The following PRKCB variants were observed in gnomAD, a reference collection of about 807,000 sequenced individuals.
PRKCB encodes the protein protein kinase C beta type.
In PRKCB, 13 loss-of-function variants were observed where a neutral mutation model predicts 81.5. That is an observed-to-expected ratio of 0.16 (90% confidence interval 0.10 to 0.25). The LOEUF is 0.25. Among genes scored for constraint, PRKCB ranks in the 10% least tolerant of loss-of-function variants. The pLI, the probability that PRKCB is intolerant of heterozygous loss-of-function variation, is 1.00. For synonymous variants in PRKCB, 335 were observed against 321.4 expected (o/e 1.04, Z -0.45); for missense variants, 509 against 875.7 (o/e 0.58, Z 5.29).
intron 2 of PRKCB, among the ~76,000 whole-genome samples, chr16:23,973,481 C>G (rs1490613407): frequency 1.3e-5 from 2 of 151,348 alleles, no homozygotes; most frequent in Non-Finnish European, 3.0e-5. Flanking sequence ...CCGGGCCCGG[C>G]CTCTTTCAGT....
intron 5 of PRKCB, among the ~76,000 whole-genome samples, chr16:24,053,910 T>C (rs573016355): frequency 6.6e-6 from 1 of 152,320 alleles, no homozygotes; most frequent in Admixed American, 6.5e-5. Context: ...GGAATTTGTC[T>C]TTTCTCTTAG....
chr16:24,089,149 T>TA, intron 5 of PRKCB, among the ~76,000 whole-genome samples: 1 of 152,316 alleles, frequency 6.6e-6, no homozygotes, highest in Non-Finnish European at 1.5e-5. Flanking sequence ...AATGCATGGG[T>TA]ATTTTGAGAA....
chr16:23,913,981 T>C (rs544706219), intron 2 of PRKCB, among the ~76,000 whole-genome samples: 52 of 152,212 alleles, frequency 3.4e-4, no homozygotes, highest in African/African-American at 1.2e-3. Context: ...CTCCCCAGTA[T>C]GTGAAAATAT....
intron 2 of PRKCB, among the ~76,000 whole-genome samples, chr16:23,962,039 G>A (rs1401304217): frequency 1.3e-5 from 2 of 152,118 alleles, no homozygotes; most frequent in African/African-American, 2.4e-5. Context: ...AACAACAGAT[G>A]TTCATACTCC....
chr16:24,048,508 T>TA (rs1555493123), intron 5 of PRKCB, among the ~76,000 whole-genome samples: 1 of 147,818 alleles, frequency 6.8e-6, no homozygotes, highest in African/African-American at 2.5e-5. Context: ...TTTTTTTTTT[T>TA]ATAACAGAGT....
chr16:23,959,972 G>T (rs1389188546), intron 2 of PRKCB, among the ~76,000 whole-genome samples: 1 of 152,140 alleles, frequency 6.6e-6, no homozygotes, highest in Non-Finnish European at 1.5e-5. Context: ...TTGCATTCTG[G>T]CCTGGCTTCC....
chr16:24,124,410 C>G (rs1966839038), intron 9 of PRKCB, among the ~76,000 whole-genome samples: 1 of 152,076 alleles, frequency 6.6e-6, no homozygotes, highest in Non-Finnish European at 1.5e-5. Context: ...GGATGCAAAC[C>G]TTATAAGCTA....
intron 2 of PRKCB, among the ~76,000 whole-genome samples, chr16:23,959,878 A>T (rs79346811): frequency 6.6e-6 from 1 of 152,178 alleles, no homozygotes; most frequent in Non-Finnish European, 1.5e-5. Flanking sequence ...CACTTTGCAG[A>T]TGGGGACACT....
chr16:23,982,077 CCCTTT>C (rs1964733629), intron 2 of PRKCB, among the ~76,000 whole-genome samples: 1 of 116,678 alleles, frequency 8.6e-6, no homozygotes, highest in Non-Finnish European at 1.8e-5. Context: ...TCTTTCCCTT[CCCTTT>C]CCCTTCCCTT....
At chr16:24,097,050 T>C (rs1332716742) in intron 7 of PRKCB, among the ~76,000 whole-genome samples, 4 of 143,410 alleles carry the variant, frequency 2.8e-5, no homozygotes, top group South Asian at 4.6e-4. Context: ...TTTTTTTTTT[T>C]TTTTGAGACG....
intron 8 of PRKCB, among the ~76,000 whole-genome samples, chr16:24,117,330 A>G (rs1442382761): frequency 1.3e-5 from 2 of 152,338 alleles, no homozygotes; most frequent in East Asian, 1.9e-4. Context: ...TCAGAACATC[A>G]GAGCTGGCTG....
chr16:24,010,467 C>T (rs1965187950), intron 3 of PRKCB, among the ~76,000 whole-genome samples: 1 of 152,172 alleles, frequency 6.6e-6, no homozygotes, highest in East Asian at 1.9e-4. Flanking sequence ...GTCTCCCCCA[C>T]CCCACATCGG....
intron 4 of PRKCB, 121 bp from the exon 5 acceptor site, chr16:24,035,296 CGT>C: frequency 1.5e-6 from 2 of 1,300,656 alleles, no homozygotes; most frequent in Non-Finnish European, 2.1e-6. Flanking sequence ...CAGCCAGGCT[CGT>C]GTGTCTCAGC....
intron 2 of PRKCB, among the ~76,000 whole-genome samples, chr16:23,983,880 T>C (rs982039906): frequency 6.6e-6 from 1 of 151,728 alleles, no homozygotes; most frequent in African/African-American, 2.4e-5. Context: ...CACACTTTGC[T>C]AATTTTTGTA....
chr16:23,898,605 G>T (rs1391967685), intron 2 of PRKCB, among the ~76,000 whole-genome samples: 2 of 152,148 alleles, frequency 1.3e-5, no homozygotes, highest in African/African-American at 2.4e-5. Context: ...GAGGGCCAGA[G>T]AACTCTTTCT....
chr16:24,097,673 A>G (rs1293837729), intron 7 of PRKCB, among the ~76,000 whole-genome samples: 2 of 152,202 alleles, frequency 1.3e-5, no homozygotes, highest in Non-Finnish European at 2.9e-5. Context: ...ATGGGGTACA[A>G]CTTGCTTTTA....
chr16:23,847,437 C>T (rs980457961), intron 2 of PRKCB, among the ~76,000 whole-genome samples: 17 of 92,704 alleles, frequency 1.8e-4, no homozygotes, highest in Non-Finnish European at 3.3e-4. Flanking sequence ...TCCGTCTGTC[C>T]ATCCATCCAT....
intron 7 of PRKCB, among the ~76,000 whole-genome samples, chr16:24,110,509 C>CTTTTTTTTTTTTTTT (rs777132623): frequency 8.0e-6 from 1 of 125,318 alleles, no homozygotes; most frequent in Non-Finnish European, 1.5e-5. Flanking sequence ...CCATGCCCAA[C>CTTTTTTTTTTTTTTT]CTTTTTTTTT....
At chr16:24,210,228 C>T (rs1015623475) in intron 16 of PRKCB, among the ~76,000 whole-genome samples, 12 of 152,304 alleles carry the variant, frequency 7.9e-5, no homozygotes, top group African/African-American at 2.4e-4. Context: ...CCTTACATGG[C>T]CATCAAGGAC....
Sources: allele counts gnomAD v4.1 joint callset (sites outside exome capture counted in the v4.1 genomes callset), GRCh38; gene constraint gnomAD v4.1.1; transcripts MANE v1.5; gene names NCBI Gene and HGNC (gene_info 2026-07-23, HGNC 2026-07-21).